SPOCK1: variants seen among roughly 807,000 people sequenced by gnomAD.
SPOCK1 encodes testican-1.
In SPOCK1, 23 loss-of-function variants were observed where a neutral mutation model predicts 55.3. That is an observed-to-expected ratio of 0.42 (90% CI 0.30 to 0.59). SPOCK1 has a LOEUF of 0.59. Among genes scored for constraint, SPOCK1 ranks in the 20% least tolerant of loss-of-function variants. The pLI is 0.22. For missense variants in SPOCK1, 499 were observed against 552.5 expected, an observed-to-expected ratio of 0.90 and a Z score of 0.97; for synonymous variants, 226 against 221.0, an observed-to-expected ratio of 1.02 and a Z score of -0.20.
At chr5:137,097,083 CAG>C (rs1445948107) in intron 5 of SPOCK1, among the ~76,000 whole-genome samples, 2 of 152,182 alleles carry the variant, frequency 1.3e-5, no homozygotes, top group Non-Finnish European at 1.5e-5. Flanking sequence ...TGGCACACAG[CAG>C]ACAGTAATGT....
intron 2 of SPOCK1, among the ~76,000 whole-genome samples, chr5:137,465,772 T>C (rs535564562): frequency 6.6e-6 from 1 of 152,312 alleles, no homozygotes; most frequent in Admixed American, 6.5e-5. Context: ...AGGCAAGAGA[T>C]ATAGAATCAC....
intron 3 of SPOCK1, among the ~76,000 whole-genome samples, chr5:137,177,143 C>G (rs1286367442): frequency 6.6e-6 from 1 of 152,142 alleles, no homozygotes; most frequent in Non-Finnish European, 1.5e-5. Flanking sequence ...AATGAATGGC[C>G]TCACAGAGCA....
chr5:137,456,414 G>C (rs546713827), intron 2 of SPOCK1, among the ~76,000 whole-genome samples: 43 of 152,174 alleles, frequency 2.8e-4, no homozygotes, highest in African/African-American at 9.9e-4. Flanking sequence ...CTCTCCTCTT[G>C]GCAAACTGAG....
chr5:137,020,468 TCAG>T lies in SPOCK1; in HGVS notation c.590-27871_590-27869del, dbSNP rs1328467178. Among the ~76,000 whole-genome samples the T allele has an allele frequency of 6.1e-5, 9 of 146,670 alleles. No homozygotes were observed. In the East Asian group the frequency reaches 1.8e-3, roughly 30 times the overall value. On this transcript the variant is annotated intron_variant, in intron 6 of 10. Transcript: ENST00000394945. ...ATGCACTTAATAATATAAAAGATAT[TCAG>T]AAGAAAATAGAATATGTTTATGACT...
intron 2 of SPOCK1, among the ~76,000 whole-genome samples, chr5:137,292,536 G>A (rs577659598): frequency 1.8e-4 from 27 of 146,986 alleles, no homozygotes; most frequent in South Asian, 4.5e-4. Context: ...CTGAAAAGAT[G>A]GAGTCACCCA....
At chr5:137,215,100 A>C (rs890085802) in intron 3 of SPOCK1, among the ~76,000 whole-genome samples, 1 of 152,218 alleles carries the variant, frequency 6.6e-6, no homozygotes, top group Non-Finnish European at 1.5e-5. Flanking sequence ...CAGGGTCTGT[A>C]ATTTCAATGG....
chr5:137,075,751 G>C (rs1752745353), intron 5 of SPOCK1, among the ~76,000 whole-genome samples: 1 of 152,156 alleles, frequency 6.6e-6, no homozygotes, highest in Admixed American at 6.5e-5. Context: ...ACCGTGGAGA[G>C]GAGTGCAGCC....
intron 2 of SPOCK1, among the ~76,000 whole-genome samples, chr5:137,352,617 G>A (rs910831972): frequency 1.3e-5 from 2 of 152,112 alleles, no homozygotes; most frequent in South Asian, 2.1e-4. Flanking sequence ...GTGGAAAGAC[G>A]CAGGAGGAGG....
chr5:137,356,858 G>GAT (rs1580883367), intron 2 of SPOCK1, among the ~76,000 whole-genome samples: 1 of 114,120 alleles, frequency 8.8e-6, no homozygotes, highest in Non-Finnish European at 1.8e-5. Flanking sequence ...GAGAGAGAGA[G>GAT]AGAGAGAGAG....
intron 4 of SPOCK1, among the ~76,000 whole-genome samples, chr5:137,139,227 A>G (rs747277380): frequency 1.3e-5 from 2 of 152,198 alleles, no homozygotes; most frequent in Non-Finnish European, 2.9e-5. Context: ...CAACCTTGAC[A>G]GTGACCTCAG....
chr5:137,426,503 C>T (rs1233244202), intron 2 of SPOCK1, among the ~76,000 whole-genome samples: 2 of 152,060 alleles, frequency 1.3e-5, no homozygotes, highest in African/African-American at 4.8e-5. Context: ...TCTTGATGTT[C>T]GACATATTTC....
At chr5:137,256,990 A>G (rs1290583111) in intron 3 of SPOCK1, among the ~76,000 whole-genome samples, 1 of 152,214 alleles carries the variant, frequency 6.6e-6, no homozygotes, top group Non-Finnish European at 1.5e-5. Context: ...TAGTCCTTAC[A>G]ATGCTGACCC....
At chr5:137,427,320 T>A (rs1222710655) in intron 2 of SPOCK1, among the ~76,000 whole-genome samples, 1 of 152,192 alleles carries the variant, frequency 6.6e-6, no homozygotes, top group African/African-American at 2.4e-5. Flanking sequence ...GTTGATACTT[T>A]TATGCTTGGG....
At chr5:137,457,812 G>A (rs1228863954) in intron 2 of SPOCK1, among the ~76,000 whole-genome samples, 2 of 152,138 alleles carry the variant, frequency 1.3e-5, no homozygotes, top group African/African-American at 4.8e-5. Context: ...GGAAAAAAGG[G>A]GAATTTGTTC....
chr5:137,363,393 C>T (rs571416777), intron 2 of SPOCK1, among the ~76,000 whole-genome samples: 20 of 152,316 alleles, frequency 1.3e-4, no homozygotes, highest in Middle Eastern at 3.4e-3. Context: ...TCCATAAGTC[C>T]GGAGTGCGGA....
intron 2 of SPOCK1, among the ~76,000 whole-genome samples, chr5:137,380,624 G>T (rs192464324): frequency 6.6e-6 from 1 of 152,288 alleles, no homozygotes; most frequent in East Asian, 1.9e-4. Flanking sequence ...TGGTGGCAGA[G>T]GAGAGAGCAA....
chr5:137,260,497 A>C (rs1229957820), intron 3 of SPOCK1, among the ~76,000 whole-genome samples: 2 of 152,262 alleles, frequency 1.3e-5, no homozygotes, highest in Non-Finnish European at 2.9e-5. Context: ...ATACATATAC[A>C]TGACATAAAA....
At chr5:137,046,857 G>T (rs1752115331) in intron 6 of SPOCK1, among the ~76,000 whole-genome samples, 1 of 29,064 alleles carries the variant, frequency 3.4e-5, no homozygotes, top group Non-Finnish European at 9.2e-5. Context: ...AAGCGTTGTT[G>T]AATTTTGTCA....
rs748082609 is a variant in SPOCK1 at position 137,290,090 on chromosome 5, C to T, written c.187-23035G>A. On this transcript the variant is annotated intron_variant, in intron 2 of 10. Coordinates refer to ENST00000394945, the MANE Select transcript of SPOCK1 (RefSeq NM_004598.4). Reference sequence around the variant, plus strand: ...CATGAACCTCACAGCCCAGCAACTCCAACCCTAGGATTTTACCCAATGGAA... The same window carrying T: ...CATGAACCTCACAGCCCAGCAACTCTAACCCTAGGATTTTACCCAATGGAA... Among the ~76,000 whole-genome samples the T allele has an allele frequency of 2.2e-4, 34 of 152,144 alleles. 1 individual carries two copies. The highest frequency in any genetic ancestry group is 3.7e-4 in the Non-Finnish European group (25 of 68,034).
Sources: allele counts gnomAD v4.1 joint callset (sites outside exome capture counted in the v4.1 genomes callset), GRCh38; gene constraint gnomAD v4.1.1; transcripts MANE v1.5; gene names NCBI Gene and HGNC (gene_info 2026-07-23, HGNC 2026-07-21).